Variants in RIMS1 observed in about 807,000 individuals in gnomAD.
RIMS1 encodes the protein regulating synaptic membrane exocytosis 1.
A neutral mutation model predicts 214.1 loss-of-function variants in RIMS1; 83 were observed. The observed-to-expected ratio is 0.39, with a 90% confidence interval of 0.32 to 0.47. The LOEUF (loss-of-function observed/expected upper bound fraction) is 0.47. RIMS1 is among the 20% of genes least tolerant of loss of function. The pLI, the probability that RIMS1 is intolerant of heterozygous loss-of-function variation, is 0.99. For missense variants in RIMS1, 2,050 were observed against 2,161.8 expected (o/e 0.95, Z 1.03); for synonymous variants, 793 against 786.8 (o/e 1.01, Z -0.13).
intron 6 of RIMS1, among the ~76,000 whole-genome samples, chr6:72,232,822 G>A (rs552908341): frequency 7.9e-5 from 12 of 151,820 alleles, no homozygotes; most frequent in African/African-American, 2.7e-4. Context: ...TGTATCTGCA[G>A]TGCCTGTCAT....
chr6:72,109,884 T>C (rs1440770437), intron 4 of RIMS1, among the ~76,000 whole-genome samples: 1 of 152,070 alleles, frequency 6.6e-6, no homozygotes, highest in Non-Finnish European at 1.5e-5. Context: ...TTGTATAAGG[T>C]GTAAGGAAGG....
At chr6:72,143,038 T>C (rs2042267530) in intron 4 of RIMS1, among the ~76,000 whole-genome samples, 1 of 152,110 alleles carries the variant, frequency 6.6e-6, no homozygotes, top group South Asian at 2.1e-4. Context: ...AATTGTGATG[T>C]GATGTATTGG....
At chr6:72,217,880 C>T (rs982397669) in intron 6 of RIMS1, among the ~76,000 whole-genome samples, 3 of 152,066 alleles carry the variant, frequency 2.0e-5, no homozygotes, top group African/African-American at 7.2e-5. Flanking sequence ...GGGTGTGTGA[C>T]CTTGGGTTAA....
rs74334785 is a variant in RIMS1, at chr6:72,036,429, C to A, written c.246-60520C>A. 9.5e-3 allele frequency among the ~76,000 whole-genome samples: 1,444 copies of A among 152,196 alleles called. 12 individuals carry two copies. Among genetic ancestry groups the A allele is most frequent in the African/African-American group, 0.032 (1,314 of 41,520 alleles). On this transcript the variant is annotated intron_variant, in intron 2 of 33. Coordinates refer to ENST00000521978, the MANE Select transcript of RIMS1 (RefSeq NM_014989.7). Reference sequence around the variant, plus strand: ...CCCTGCACTTATCTATTCATTCATTCATGCCCAAGGACTATGCAAGGCATA... The same window carrying A: ...CCCTGCACTTATCTATTCATTCATTAATGCCCAAGGACTATGCAAGGCATA...
chr6:72,078,749 A>G lies in RIMS1; in HGVS notation c.246-18200A>G, dbSNP rs150496006. On this transcript the variant is annotated intron_variant, in intron 2 of 33. Transcript: ENST00000521978. ...TTTTCTCAGCATCTGAACCAATTAT[A>G]CATGCCTACTTTCCATATCTAAATT... Among the ~76,000 whole-genome samples, 262 of 152,240 alleles carry G rather than the reference A, an allele frequency of 1.7e-3. 2 individuals are homozygous for G. Among genetic ancestry groups the G allele is most frequent in the African/African-American group, 6.2e-3 (256 of 41,548 alleles).
At chr6:72,187,179 G>T (rs1018047475) in intron 6 of RIMS1, among the ~76,000 whole-genome samples, 4 of 151,950 alleles carry the variant, frequency 2.6e-5, no homozygotes, top group Non-Finnish European at 4.4e-5. Flanking sequence ...AGGAAGAGAG[G>T]AATGAAGGAA....
At chr6:72,104,659 A>C (rs773399207) in intron 4 of RIMS1, among the ~76,000 whole-genome samples, 1 of 152,210 alleles carries the variant, frequency 6.6e-6, no homozygotes, top group Non-Finnish European at 1.5e-5. Context: ...AGCATGGAGC[A>C]GAGAAGAAAG....
intron 2 of RIMS1, among the ~76,000 whole-genome samples, chr6:72,013,288 T>C (rs1811503772): frequency 6.6e-6 from 1 of 152,182 alleles, no homozygotes; most frequent in Non-Finnish European, 1.5e-5. Flanking sequence ...CAATATAATT[T>C]ATAAATATTA....
intron 4 of RIMS1, among the ~76,000 whole-genome samples, chr6:72,102,739 C>T (rs1450154497): frequency 2.0e-5 from 3 of 152,012 alleles, no homozygotes; most frequent in Non-Finnish European, 4.4e-5. Context: ...AAACATTACT[C>T]TCAAAGACTC....
intron 29 of RIMS1, among the ~76,000 whole-genome samples, chr6:72,384,556 C>T (rs929341057): frequency 3.3e-5 from 5 of 152,136 alleles, no homozygotes; most frequent in African/African-American, 7.2e-5. Context: ...TGCTTTTCCC[C>T]CACCTTAAAA....
intron 2 of RIMS1, among the ~76,000 whole-genome samples, chr6:71,984,970 A>G (rs1799524698): frequency 1.3e-5 from 2 of 152,134 alleles, no homozygotes; most frequent in Non-Finnish European, 1.5e-5. Context: ...TACTCCACCA[A>G]TACAGATTGT....
chr6:72,316,165 C>G (rs1038276971), intron 28 of RIMS1, among the ~76,000 whole-genome samples: 1 of 152,162 alleles, frequency 6.6e-6, no homozygotes, highest in East Asian at 1.9e-4. Flanking sequence ...AGTCTACTCC[C>G]TAACCTTTTT....
intron 30 of RIMS1, among the ~76,000 whole-genome samples, chr6:72,392,189 A>AT (rs1280749012): frequency 6.6e-6 from 1 of 152,220 alleles, no homozygotes; most frequent in Non-Finnish European, 1.5e-5. Context: ...AGAAATACAG[A>AT]TTTTTTAACC....
At chr6:71,976,146 A>G (rs1188295445) in intron 2 of RIMS1, among the ~76,000 whole-genome samples, 1 of 152,080 alleles carries the variant, frequency 6.6e-6, no homozygotes, top group African/African-American at 2.4e-5. Context: ...CTGTATTTCA[A>G]AGTAGCTGCA....
chr6:72,098,850 T>TATAACAAATAGTGGTTTGTTATAGG (rs2032748732), intron 3 of RIMS1, among the ~76,000 whole-genome samples: 1 of 152,196 alleles, frequency 6.6e-6, no homozygotes, highest in Non-Finnish European at 1.5e-5. Context: ...TTATAGGCAA[T>TATAACAAATAGTGGTTTGTTATAGG]CATCATATGC....
At chr6:71,906,845 G>A (rs1390001367) in intron 1 of RIMS1, among the ~76,000 whole-genome samples, 3 of 151,980 alleles carry the variant, frequency 2.0e-5, no homozygotes, top group Non-Finnish European at 4.4e-5. Flanking sequence ...TTCACATGTG[G>A]GCAACATTAA....
intron 2 of RIMS1, among the ~76,000 whole-genome samples, chr6:72,021,275 A>T (rs17568838): frequency 0.11 from 17,454 of 152,242 alleles, 1,194 homozygotes; most frequent in South Asian, 0.18. Context: ...ACATGTTTGT[A>T]CTGAAATAAA....
intron 2 of RIMS1, among the ~76,000 whole-genome samples, chr6:71,997,111 T>C (rs1429388311): frequency 1.3e-5 from 2 of 152,174 alleles, no homozygotes; most frequent in Non-Finnish European, 1.5e-5. Flanking sequence ...GAATGTATAA[T>C]ATGAAGTAAC....
Position 72,183,016 on chromosome 6 carries a change from G to A in RIMS1, c.1545G>A (p.Lys515=). 2 of 1,600,428 alleles carry A rather than the reference G, an allele frequency of 1.2e-6. No individual in the cohort carries two copies. Among genetic ancestry groups the A allele is most frequent in the Non-Finnish European group, 1.7e-6 (2 of 1,174,392 alleles). ...AGTCGGTGCGGCCGTCCCCGCCCAA[G>A]CCGCACCGGTCCAAGAGAGGCGGCA... is the stretch of plus-strand genomic sequence containing the variant. The part of the protein sequence containing the change: ...QSESVRPSPP[K]PHRSKRGGKK... The change falls in exon 6 of 34, where the codon AAG becomes AAA. Residue 515 remains lysine, a synonymous_variant. Coordinates refer to ENST00000521978, the MANE Select transcript of RIMS1 (RefSeq NM_014989.7).
Sources: allele counts gnomAD v4.1 joint callset (sites outside exome capture counted in the v4.1 genomes callset), GRCh38; gene constraint gnomAD v4.1.1; transcripts MANE v1.5; gene names NCBI Gene and HGNC (gene_info 2026-07-23, HGNC 2026-07-21).